NUP160: variants seen among roughly 807,000 people sequenced by gnomAD.
NUP160 encodes the protein nucleoporin 160.
In NUP160, 94 loss-of-function variants were observed where a neutral mutation model predicts 196.9. The ratio of observed to expected loss-of-function variants is 0.48; its 90% CI spans 0.40 to 0.57. NUP160 has a LOEUF of 0.57. Among genes scored for constraint, NUP160 ranks in the 20% least tolerant of loss-of-function variants. The pLI, the probability that NUP160 is intolerant of heterozygous loss-of-function variation, is 0.00. For missense variants in NUP160, 1,638 were observed against 1,748.3 expected (o/e 0.94, Z 1.13); for synonymous variants, 605 against 619.7 (o/e 0.98, Z 0.35).
chr11:47,811,917 G>A, intron 17 of NUP160, 147 bp downstream of exon 17: 4 of 637,236 alleles, frequency 6.3e-6, no homozygotes. Context: ...TATTTATAGA[G>A]CATCTCATAA....
At chr11:47,796,512 GAGGA>G (rs145804145) in intron 27 of NUP160, 263 of 261,232 alleles carry the variant, frequency 1.0e-3, no homozygotes, top group African/African-American at 5.3e-3. Flanking sequence ...TTGAGAGAGA[GAGGA>G]AGGAAGGGGG....
At chr11:47,833,998 A>G (rs1852124042) in intron 7 of NUP160, among the ~76,000 whole-genome samples, 1 of 152,226 alleles carries the variant, frequency 6.6e-6, no homozygotes, top group Non-Finnish European at 1.5e-5. Flanking sequence ...CTGTCAGCAC[A>G]ACTACATACT....
intron 20 of NUP160, 74 bp downstream of exon 20, chr11:47,806,079 G>A (rs751977406): frequency 1.3e-5 from 18 of 1,403,706 alleles, no homozygotes; most frequent in Admixed American, 1.8e-5. Context: ...CTCCCAAAGT[G>A]CTGGGATTAC....
At chr11:47,785,617 T>C (rs548769202) in intron 32 of NUP160, among the ~76,000 whole-genome samples, 1 of 152,240 alleles carries the variant, frequency 6.6e-6, no homozygotes, top group South Asian at 2.1e-4. Context: ...TGAACGTTAT[T>C]TGTTTGGCTA....
intron 4 of NUP160, 111 bp downstream of exon 4, chr11:47,839,732 C>T (rs941721337): frequency 2.3e-6 from 2 of 872,780 alleles, no homozygotes; most frequent in Non-Finnish European, 3.8e-6. Flanking sequence ...AATGAATGAC[C>T]AGTTCCGGGG....
At chr11:47,785,383 G>A (rs1693238815) in intron 32 of NUP160, among the ~76,000 whole-genome samples, 1 of 152,056 alleles carries the variant, frequency 6.6e-6, no homozygotes, top group African/African-American at 2.4e-5. Flanking sequence ...CTCTGACCTT[G>A]TCCTCCCTAA....
In NUP160 at chr11:47,796,274, G is replaced by A. The variant is rs148424889; in HGVS notation, c.3289+1505C>T. ...GCACAGTAGGATCAATCAGAAAGCT[G>A]TGGACTCACAAATTTTACCAAAAAT... On this transcript the variant is annotated intron_variant, in intron 27 of 35. Coordinates refer to ENST00000378460, the Ensembl canonical transcript of NUP160. The A allele has an allele frequency of 5.0e-4, 341 of 681,176 alleles. 2 individuals are homozygous for A. In the African/African-American group the frequency reaches 5.3e-3, roughly 11 times the overall value. 42.2% of individuals were successfully genotyped at this position (681,176 alleles called of 1,614,324 possible). A position where few individuals can be genotyped will look rare whatever the true frequency, so the allele number is the denominator to read the frequency against.
intron 29 of NUP160, among the ~76,000 whole-genome samples, chr11:47,789,528 C>A (rs1478775056): frequency 3.3e-5 from 5 of 152,100 alleles, no homozygotes; most frequent in East Asian, 3.9e-4. Context: ...AAGAAAAAAA[C>A]CACATTCTTA....
At chr11:47,780,779 T>C (rs555074251) in intron 34 of NUP160, among the ~76,000 whole-genome samples, 1 of 151,998 alleles carries the variant, frequency 6.6e-6, no homozygotes, top group African/African-American at 2.4e-5. Context: ...TGGCCTCAAG[T>C]GATCCACCTG....
At chr11:47,837,958 T>C (rs73456966) in intron 4 of NUP160, among the ~76,000 whole-genome samples, 3,101 of 152,322 alleles carry the variant, frequency 0.02, 64 homozygotes, top group African/African-American at 0.059. Flanking sequence ...GGTAGTGACA[T>C]AGCAGTAAAC....
At chr11:47,821,916 T>C (rs1004810141) in intron 8 of NUP160, 95 bp from the exon 9 acceptor site, 2 of 1,096,624 alleles carry the variant, frequency 1.8e-6, no homozygotes, top group Admixed American at 1.9e-5. Context: ...GGTAAATGTA[T>C]GAAAACAAAA....
chr11:47,780,836 A>AT (rs2097660329), intron 34 of NUP160, among the ~76,000 whole-genome samples: 2 of 152,050 alleles, frequency 1.3e-5, no homozygotes, highest in Middle Eastern at 3.4e-3. Context: ...AATAAAATGC[A>AT]TTTTTTCCCC....
intron 27 of NUP160, chr11:47,796,430 A>G (rs1396384432): frequency 9.3e-6 from 3 of 320,906 alleles, no homozygotes; most frequent in Middle Eastern, 8.6e-4. Context: ...CATTAAAAAA[A>G]TCATGATGTC....
At chr11:47,817,013 T>C (rs2135380213) in intron 11 of NUP160, among the ~76,000 whole-genome samples, 1 of 151,440 alleles carries the variant, frequency 6.6e-6, no homozygotes, top group South Asian at 2.1e-4. Flanking sequence ...TGTCACTCTG[T>C]TTCCCAGGCT....
intron 11 of NUP160, 114 bp from the exon 12 acceptor site, chr11:47,816,143 C>T (rs2097684310): frequency 3.1e-6 from 2 of 641,896 alleles, no homozygotes; most frequent in Non-Finnish European, 5.3e-6. Context: ...ATTTGGCATA[C>T]CTGGAACACA....
chr11:47,792,658 C>G, intron 28 of NUP160, 128 bp downstream of exon 28: 1 of 883,784 alleles, frequency 1.1e-6, no homozygotes, highest in Non-Finnish European at 1.7e-6. Context: ...ATTTTTTTCA[C>G]AAATATCTCA....
rs2097681447 is a variant in NUP160, at chr11:47,812,045, T to C, written c.2241+19A>G. Reference sequence around the variant, plus strand: ...AACAGGTTTTAGATTTTACAAGTTTTCCCTCAAGCAGTACTTACAGCATCT... The same window carrying C: ...AACAGGTTTTAGATTTTACAAGTTTCCCCTCAAGCAGTACTTACAGCATCT... On this transcript the variant is annotated intron_variant, in intron 17 of 35. Coordinates refer to ENST00000378460, the Ensembl canonical transcript of NUP160. The C allele has an allele frequency of 6.2e-7, 1 of 1,612,772 alleles. No homozygotes were observed. The highest frequency in any genetic ancestry group is 1.7e-5 in the Admixed American group (1 of 59,776).
chr11:47,824,262 A>G (rs11039415), intron 7 of NUP160, among the ~76,000 whole-genome samples: 52,379 of 151,124 alleles, frequency 0.35, 10,509 homozygotes, highest in South Asian at 0.52. Flanking sequence ...CATTCATTCA[A>G]TTGTAGATAT....
chr11:47,783,053 G>T lies in NUP160; in HGVS notation c.4116+20C>A. ...GTAAGTCAAACCATTGTAAATTGGG[G>T]ACCATTTGTATATGCCTACCTCAAT... On this transcript the variant is annotated intron_variant, in intron 34 of 35. Transcript: ENST00000378460. The T allele has an allele frequency of 6.2e-7, 1 of 1,602,926 alleles. No homozygotes were observed. The highest frequency in any genetic ancestry group is 8.5e-7 in the Non-Finnish European group (1 of 1,172,418).
Sources: allele counts gnomAD v4.1 joint callset (sites outside exome capture counted in the v4.1 genomes callset), GRCh38; gene constraint gnomAD v4.1.1; transcripts MANE v1.5; gene names NCBI Gene and HGNC (gene_info 2026-07-23, HGNC 2026-07-21).